Variants in SLMAP observed in about 807,000 individuals in gnomAD.
SLMAP encodes the protein sarcolemmal membrane-associated protein.
A neutral mutation model predicts 128.8 loss-of-function variants in SLMAP; 44 were observed. The ratio of observed to expected loss-of-function variants is 0.34; its 90% CI spans 0.27 to 0.44. The LOEUF is 0.44. Among genes scored for constraint, SLMAP ranks in the 20% least tolerant of loss-of-function variants. SLMAP has a pLI of 1.00. For synonymous variants in SLMAP, 327 were observed against 348.8 expected (o/e 0.94, Z 0.70); for missense variants, 787 against 985.3 (o/e 0.80, Z 2.69).
At chr3:57,785,844 C>T (rs2083974605) in intron 2 of SLMAP, among the ~76,000 whole-genome samples, 1 of 152,116 alleles carries the variant, frequency 6.6e-6, no homozygotes, top group South Asian at 2.1e-4. Context: ...TGTTCTTTAC[C>T]ATATGTTATT....
chr3:57,871,520 C>A, intron 13 of SLMAP, 116 bp from the exon 14 acceptor site: 1 of 702,190 alleles, frequency 1.4e-6, no homozygotes, highest in South Asian at 1.7e-5. Context: ...ATATATTAAG[C>A]CTTTATTAGT....
At chr3:57,768,743 A>G (rs773132134) in intron 2 of SLMAP, among the ~76,000 whole-genome samples, 4 of 152,136 alleles carry the variant, frequency 2.6e-5, no homozygotes, top group Non-Finnish European at 4.4e-5. Context: ...CATTTATACC[A>G]TTATACTTTG....
chr3:57,880,814 G>A (rs1036545956), intron 14 of SLMAP, among the ~76,000 whole-genome samples: 1 of 152,126 alleles, frequency 6.6e-6, no homozygotes, highest in Non-Finnish European at 1.5e-5. Flanking sequence ...GAGCCCTGGA[G>A]CGGGAGGCTG....
chr3:57,846,637 A>T (rs1261510508), intron 4 of SLMAP, among the ~76,000 whole-genome samples: 1 of 150,928 alleles, frequency 6.6e-6, no homozygotes, highest in Non-Finnish European at 1.5e-5. Context: ...GCTCACTGCA[A>T]CCTCCACCTC....
chr3:57,869,630 TTATATATA>T lies in SLMAP; in HGVS notation c.1238-1983_1238-1976del, dbSNP rs55916379. On this transcript the variant is annotated intron_variant, in intron 13 of 24. Coordinates refer to ENST00000671191, the MANE Select transcript of SLMAP (RefSeq NM_001377540.1). The stretch of plus-strand genomic sequence containing the variant: ...ACAACATAGCAAGATCCCATCTCTA[TTATATATA>T]TATATATATATATATATATATAATA... 2.7e-3 allele frequency among the ~76,000 whole-genome samples: 202 copies of T among 75,466 alleles called. 11 individuals carry two copies. The highest frequency in any genetic ancestry group is 8.3e-3 in the African/African-American group (165 of 19,836). 49.5% of individuals were successfully genotyped at this position (75,466 alleles called of 152,430 possible). A position where few individuals can be genotyped will look rare whatever the true frequency, so the allele number is the denominator to read the frequency against.
At chr3:57,869,875 G>GC (rs976772383) in intron 13 of SLMAP, among the ~76,000 whole-genome samples, 1 of 151,008 alleles carries the variant, frequency 6.6e-6, no homozygotes, top group Non-Finnish European at 1.5e-5. Context: ...AACTACAGTA[G>GC]CTAATGGCTA....
intron 13 of SLMAP, 147 bp downstream of exon 13, chr3:57,865,439 T>A: frequency 2.3e-6 from 1 of 436,800 alleles, no homozygotes; most frequent in Non-Finnish European, 4.0e-6. Flanking sequence ...AATCAAGCTT[T>A]CCTTTATTTT....
intron 2 of SLMAP, among the ~76,000 whole-genome samples, chr3:57,778,966 T>C (rs1173204407): frequency 6.6e-6 from 1 of 152,188 alleles, no homozygotes; most frequent in Non-Finnish European, 1.5e-5. Context: ...AGGAAATTTT[T>C]TTTATATGTT....
intron 2 of SLMAP, among the ~76,000 whole-genome samples, chr3:57,787,104 T>C (rs927958094): frequency 6.6e-6 from 1 of 152,164 alleles, no homozygotes; most frequent in African/African-American, 2.4e-5. Context: ...TGTTTTCCAG[T>C]CCCTTATGAG....
intron 2 of SLMAP, among the ~76,000 whole-genome samples, chr3:57,767,219 T>G (rs377461904): frequency 7.9e-5 from 12 of 152,178 alleles, no homozygotes; most frequent in Non-Finnish European, 1.5e-4. Flanking sequence ...GCACCCGGCC[T>G]GTATATAATT....
At chr3:57,919,567 A>G (rs116069998) in intron 22 of SLMAP, among the ~76,000 whole-genome samples, 2,770 of 151,948 alleles carry the variant, frequency 0.018, 76 homozygotes, top group African/African-American at 0.063. Flanking sequence ...GGCCGAGGTG[A>G]GCAGATCACC....
intron 2 of SLMAP, among the ~76,000 whole-genome samples, chr3:57,783,211 T>G (rs1375092861): frequency 6.6e-6 from 1 of 152,032 alleles, no homozygotes; most frequent in African/African-American, 2.4e-5. Context: ...TGGTGAGAGC[T>G]CCGAAGAAGG....
chr3:57,870,883 T>G (rs1329996169), intron 13 of SLMAP, among the ~76,000 whole-genome samples: 1 of 152,214 alleles, frequency 6.6e-6, no homozygotes, highest in African/African-American at 2.4e-5. Context: ...TTATCCAGAT[T>G]CAGAAGTAAC....
intron 6 of SLMAP, among the ~76,000 whole-genome samples, chr3:57,854,108 G>GAT (rs1341475253): frequency 7.2e-6 from 1 of 138,556 alleles, no homozygotes; most frequent in African/African-American, 2.7e-5. Flanking sequence ...TGTATCTTTG[G>GAT]ATATATATAT....
chr3:57,847,089 A>G (rs962816377), intron 4 of SLMAP, 108 bp from the exon 5 acceptor site: 6 of 699,158 alleles, frequency 8.6e-6, no homozygotes, highest in African/African-American at 1.8e-5. Context: ...TTTTAATTAC[A>G]TGAAGGCAAA....
At chr3:57,817,151 G>C (rs1447817428) in intron 2 of SLMAP, among the ~76,000 whole-genome samples, 1 of 152,176 alleles carries the variant, frequency 6.6e-6, no homozygotes, top group Admixed American at 6.5e-5. Flanking sequence ...TCAGTGTGGA[G>C]GGTGTAGAGT....
intron 2 of SLMAP, among the ~76,000 whole-genome samples, chr3:57,770,334 A>G (rs1455462652): frequency 1.3e-5 from 2 of 152,252 alleles, no homozygotes; most frequent in Non-Finnish European, 2.9e-5. Context: ...AGAGCTTCAC[A>G]GAGAAAGTTG....
chr3:57,841,050 A>G (rs901296523), intron 3 of SLMAP, among the ~76,000 whole-genome samples: 1 of 152,162 alleles, frequency 6.6e-6, no homozygotes, highest in Admixed American at 6.5e-5. Flanking sequence ...CTTTTTATTG[A>G]CTATTATTAC....
At chr3:57,764,130 A>G (rs2079192495) in intron 2 of SLMAP, among the ~76,000 whole-genome samples, 1 of 152,152 alleles carries the variant, frequency 6.6e-6, no homozygotes, top group Non-Finnish European at 1.5e-5. Flanking sequence ...TTGCTTACCA[A>G]GCTTAGGATG....
Sources: gnomAD v4.1 joint callset for allele counts (sites outside exome capture counted in the v4.1 genomes callset) on GRCh38, gnomAD v4.1.1 for gene constraint, MANE v1.5 for transcripts, NCBI Gene and HGNC (gene_info 2026-07-23, HGNC 2026-07-21) for gene names.